Variants in SUMF1 observed in about 807,000 individuals in gnomAD.
SUMF1 encodes the protein sulfatase modifying factor 1.
A neutral mutation model predicts 47.6 loss-of-function variants in SUMF1; 48 were observed. The ratio of observed to expected loss-of-function variants is 1.01; its 90% confidence interval spans 0.80 to 1.28. SUMF1 has a LOEUF of 1.28. SUMF1 is among the 50% of genes most tolerant of loss of function. The probability of loss-of-function intolerance (pLI) is 0.00; values close to 1 mark genes in which losing one functional copy is unlikely to be tolerated. For synonymous variants in SUMF1, 230 were observed against 192.1 expected, an observed-to-expected ratio of 1.20 and a Z score of -1.63; for missense variants, 571 against 485.4, an observed-to-expected ratio of 1.18 and a Z score of -1.66.
intron 2 of SUMF1, among the ~76,000 whole-genome samples, chr3:4,449,693 T>G (rs549620767): frequency 6.6e-6 from 1 of 152,358 alleles, no homozygotes; most frequent in Non-Finnish European, 1.5e-5. Flanking sequence ...TAATCAATCT[T>G]TGTCCTTTGT....
chr3:4,280,345 G>C (rs1183843823), intron 8 of SUMF1, among the ~76,000 whole-genome samples: 1 of 152,190 alleles, frequency 6.6e-6, no homozygotes, highest in Non-Finnish European at 1.5e-5. Context: ...ACTTAGGTTT[G>C]CTTGGTGCAT....
At chr3:4,317,196 A>G (rs1223913903) in intron 8 of SUMF1, 1 of 1,549,204 alleles carries the variant, frequency 6.5e-7, no homozygotes, top group Non-Finnish European at 8.7e-7. Flanking sequence ...AAACCAACTT[A>G]TTTCTCGTTG....
At chr3:4,242,699 A>G (rs1696568375) in intron 8 of SUMF1, among the ~76,000 whole-genome samples, 1 of 152,190 alleles carries the variant, frequency 6.6e-6, no homozygotes, top group Non-Finnish European at 1.5e-5. Flanking sequence ...GGACTTTTGC[A>G]TCGATGTTCA....
At chr3:4,116,836 A>C (rs1316509089) in intron 8 of SUMF1, among the ~76,000 whole-genome samples, 1 of 152,160 alleles carries the variant, frequency 6.6e-6, no homozygotes, top group Admixed American at 6.5e-5. Flanking sequence ...TGAGATTGGC[A>C]GTTATCAAAT....
intron 8 of SUMF1, among the ~76,000 whole-genome samples, chr3:4,150,015 A>G: frequency 6.6e-6 from 1 of 152,164 alleles, no homozygotes; most frequent in East Asian, 1.9e-4. Flanking sequence ...AAATATGAAA[A>G]ACAAAGTTTA....
intron 8 of SUMF1, among the ~76,000 whole-genome samples, chr3:4,196,404 T>C (rs900686541): frequency 2.1e-4 from 32 of 152,066 alleles, no homozygotes; most frequent in African/African-American, 7.0e-4. Flanking sequence ...GAAGCTTTCC[T>C]CCCTATACCA....
chr3:4,214,441 A>G (rs980353691), intron 8 of SUMF1, among the ~76,000 whole-genome samples: 9 of 152,222 alleles, frequency 5.9e-5, no homozygotes, highest in Non-Finnish European at 1.3e-4. Context: ...CTAAATGCCC[A>G]CAAGAGAAAG....
At chr3:4,180,868 AAATAAACTTGGAGTCCCCAC>A (rs1695081653) in intron 8 of SUMF1, among the ~76,000 whole-genome samples, 1 of 151,988 alleles carries the variant, frequency 6.6e-6, no homozygotes, top group African/African-American at 2.4e-5. Flanking sequence ...AAAAATAAAT[AAATAAACTTGGAGTCCCCAC>A]ATGGTTGGTA....
At chr3:4,118,192 T>C (rs1012733019) in intron 8 of SUMF1, among the ~76,000 whole-genome samples, 2 of 151,988 alleles carry the variant, frequency 1.3e-5, no homozygotes, top group Non-Finnish European at 2.9e-5. Flanking sequence ...TTGACCATCA[T>C]CGCCTCTAGC....
chr3:4,296,821 C>T (rs975307309), intron 8 of SUMF1, among the ~76,000 whole-genome samples: 1 of 152,140 alleles, frequency 6.6e-6, no homozygotes, highest in African/African-American at 2.4e-5. Context: ...TTCACAGTAC[C>T]TTTCCTGGCT....
At chr3:4,132,912 C>G (rs1223812913) in intron 8 of SUMF1, among the ~76,000 whole-genome samples, 1 of 152,104 alleles carries the variant, frequency 6.6e-6, no homozygotes, top group South Asian at 2.1e-4. Flanking sequence ...TAGGAAACTA[C>G]AGCACCCCAC....
intron 3 of SUMF1, among the ~76,000 whole-genome samples, chr3:4,439,164 G>A (rs2125094804): frequency 6.6e-6 from 1 of 152,296 alleles, no homozygotes; most frequent in East Asian, 1.9e-4. Flanking sequence ...GTTTACATTA[G>A]CAAAGAAGAC....
intron 8 of SUMF1, among the ~76,000 whole-genome samples, chr3:4,166,359 G>A (rs947944868): frequency 6.6e-6 from 1 of 152,114 alleles, no homozygotes; most frequent in African/African-American, 2.4e-5. Context: ...TGAATAGGAA[G>A]GATATAATTT....
At chr3:4,147,131 G>C (rs1694214250) in intron 8 of SUMF1, among the ~76,000 whole-genome samples, 1 of 152,130 alleles carries the variant, frequency 6.6e-6, no homozygotes, top group Non-Finnish European at 1.5e-5. Flanking sequence ...TCTCACACCA[G>C]TTAGAATGGC....
chr3:4,436,772 G>C (rs1702413605), intron 3 of SUMF1, among the ~76,000 whole-genome samples: 1 of 150,100 alleles, frequency 6.7e-6, no homozygotes, highest in East Asian at 2.0e-4. Context: ...TGAAACTCAA[G>C]CAGGATAAAT....
chr3:4,132,809 A>C (rs1465399728), intron 8 of SUMF1, among the ~76,000 whole-genome samples: 2 of 152,064 alleles, frequency 1.3e-5, no homozygotes, highest in African/African-American at 2.4e-5. Context: ...TCAGTCTACT[A>C]CTCCACAACG....
In SUMF1 at chr3:4,363,214, C is replaced by A. The variant is rs2633858; in HGVS notation, c.1015-960G>T. Among the ~76,000 whole-genome samples the A allele has an allele frequency of 3.3e-5, 5 of 151,402 alleles. No homozygotes were observed. The South Asian group carries it at 8.3e-4, about 25-fold the overall frequency. The stretch of plus-strand genomic sequence containing the variant: ...AACAACACTAAGACACCATTTAATA[C>A]CTAAATAATATTTATGATATTATTT... On this transcript the variant is annotated intron_variant, in intron 8 of 8. Coordinates refer to ENST00000272902, the MANE Select transcript of SUMF1 (RefSeq NM_182760.4).
At chr3:4,078,369 T>C (rs1692485832) in intron 8 of SUMF1, among the ~76,000 whole-genome samples, 1 of 152,074 alleles carries the variant, frequency 6.6e-6, no homozygotes, top group African/African-American at 2.4e-5. Context: ...CAGTTCCAAA[T>C]GTAAAACAAC....
intron 8 of SUMF1, chr3:4,313,152 A>G: frequency 1.2e-6 from 2 of 1,614,090 alleles, no homozygotes; most frequent in Non-Finnish European, 1.7e-6. Context: ...AGAAAGGTCT[A>G]CAGTTCCACT....
Sources: allele counts gnomAD v4.1 joint callset (sites outside exome capture counted in the v4.1 genomes callset), GRCh38; gene constraint gnomAD v4.1.1; transcripts MANE v1.5; gene names NCBI Gene and HGNC (gene_info 2026-07-23, HGNC 2026-07-21).